STK32B: variants seen among roughly 807,000 people sequenced by gnomAD.
The protein encoded by STK32B is serine/threonine kinase 32B.
Under a neutral mutation model 52.6 loss-of-function variants are expected in STK32B, and 43 were observed. That is an observed-to-expected ratio of 0.82 (90% CI 0.64 to 1.05). STK32B has a LOEUF of 1.05. Among genes scored for constraint, STK32B ranks in the 50% least tolerant of loss-of-function variants. The pLI is 0.00. For missense variants in STK32B, 621 were observed against 534.6 expected (o/e 1.16, Z -1.59); for synonymous variants, 238 against 204.3 (o/e 1.17, Z -1.41).
At chr4:5,463,188 A>G (rs73212742) in intron 9 of STK32B, among the ~76,000 whole-genome samples, 55,180 of 152,158 alleles carry the variant, frequency 0.36, 10,889 homozygotes, top group Non-Finnish European at 0.44. Flanking sequence ...CCTTCTTCAC[A>G]GGCTCTGATC....
chr4:5,067,551 A>C (rs1054004094), intron 1 of STK32B, among the ~76,000 whole-genome samples: 2 of 152,204 alleles, frequency 1.3e-5, no homozygotes, highest in African/African-American at 4.8e-5. Flanking sequence ...CTAAAGGAGA[A>C]AGCCTAGGGA....
intron 1 of STK32B, among the ~76,000 whole-genome samples, chr4:5,069,551 G>C (rs554603343): frequency 1.3e-5 from 2 of 152,296 alleles, no homozygotes; most frequent in African/African-American, 4.8e-5. Context: ...GCATTGCCTG[G>C]AGTCGAAAGC....
At chr4:5,019,651 T>A in the STK32B span, among the ~76,000 whole-genome samples, 1 of 152,256 alleles carries the variant, frequency 6.6e-6, no homozygotes, top group South Asian at 2.1e-4. Flanking sequence ...GAGGAGGGGC[T>A]GCCTGGAGGA....
At chr4:5,464,129 T>C (rs897120472) in intron 9 of STK32B, among the ~76,000 whole-genome samples, 57 of 152,094 alleles carry the variant, frequency 3.7e-4, no homozygotes, top group African/African-American at 1.4e-3. Flanking sequence ...TGCCACACGC[T>C]CTTAAACTAC....
intron 5 of STK32B, among the ~76,000 whole-genome samples, chr4:5,414,446 G>A (rs1293274622): frequency 2.0e-5 from 3 of 152,112 alleles, no homozygotes; most frequent in Non-Finnish European, 4.4e-5. Flanking sequence ...AATGTTTCGG[G>A]TCAAATCTTA....
At chr4:5,104,853 T>C (rs1233859549) in intron 1 of STK32B, among the ~76,000 whole-genome samples, 1 of 152,258 alleles carries the variant, frequency 6.6e-6, no homozygotes, top group African/African-American at 2.4e-5. Context: ...CTTTAGTTTG[T>C]TTATTTCCAT....
chr4:5,370,984 A>ATGTGTG (rs149501017), intron 4 of STK32B, among the ~76,000 whole-genome samples: 2,391 of 145,188 alleles, frequency 0.016, 76 homozygotes, highest in East Asian at 0.11. Context: ...ATATATATAT[A>ATGTGTG]TGTGTGTGTG....
At chr4:5,192,089 A>T (rs1335316849) in intron 3 of STK32B, among the ~76,000 whole-genome samples, 2 of 152,238 alleles carry the variant, frequency 1.3e-5, no homozygotes, top group African/African-American at 2.4e-5. Flanking sequence ...TGCTTCACTG[A>T]TAAACGGCCG....
At chr4:5,441,319 C>A (rs1404439889) in intron 6 of STK32B, among the ~76,000 whole-genome samples, 1 of 151,580 alleles carries the variant, frequency 6.6e-6, no homozygotes, top group African/African-American at 2.4e-5. Flanking sequence ...CAACTTCTTC[C>A]TGGTTTAGTC....
rs558465928 is a variant in STK32B at position 5,499,030 on chromosome 4, G to A, written c.1192G>A (p.Gly398Arg). ...CCAGGCCCAAAGCAAGCTCCAGGAC[G>A]GGTGCAACAACAACCTCCTCACCCA... ...GGQAQSKLQD[G>R]CNNNLLTHTC... Residue 398 changes from glycine (G) to arginine (R), a missense_variant, in exon 12 of 12, where the codon GGG becomes AGG. Transcript: ENST00000282908. The A allele has an allele frequency of 1.4e-5, 22 of 1,613,608 alleles. No homozygotes were observed. Among genetic ancestry groups the A allele is most frequent in the South Asian group, 5.5e-5 (5 of 91,020 alleles).
Position 5,168,309 on chromosome 4 carries a change from TGCAGAA to T in STK32B, c.122_127del (p.Gln41_Lys42del), listed in dbSNP as rs751009475. The T allele has an allele frequency of 6.2e-7, 1 of 1,613,876 alleles. No homozygotes were observed. Among genetic ancestry groups the T allele is most frequent in the African/African-American group, 1.3e-5 (1 of 75,002 alleles). ...TTGGCTGTCGCTCAGGTATGCATCG[TGCAGAA>T]GCGAGACACTAAGAAAATGTATGCA... On this transcript the variant is annotated inframe_deletion, in exon 3 of 12. Coordinates refer to ENST00000282908, the MANE Select transcript of STK32B (RefSeq NM_018401.3).
chr4:5,251,615 A>G (rs904663600), intron 3 of STK32B, among the ~76,000 whole-genome samples: 3 of 152,112 alleles, frequency 2.0e-5, no homozygotes, highest in African/African-American at 7.2e-5. Context: ...TCCATGAAGA[A>G]TGTCATTGGT....
chr4:5,090,370 CTTTTTTTT>C (rs754643704), intron 1 of STK32B, among the ~76,000 whole-genome samples: 8 of 56,538 alleles, frequency 1.4e-4, no homozygotes, highest in South Asian at 1.9e-3. Flanking sequence ...TTTAATCCAT[CTTTTTTTT>C]TTTTTTTTTT....
In STK32B at chr4:5,172,585, G is replaced by C. The variant is rs189848964; in HGVS notation, c.260+4135G>C. On this transcript the variant is annotated intron_variant, in intron 3 of 11. Coordinates refer to ENST00000282908, the MANE Select transcript of STK32B (RefSeq NM_018401.3). ...AGATAACCATGTGGTTTTTGTCTTT[G>C]GTTCTGTTTATATGCTGGATTACGT... Among the ~76,000 whole-genome samples the C allele has an allele frequency of 2.2e-3, 329 of 152,170 alleles. 6 individuals are homozygous for C. The East Asian group carries it at 0.053, about 24-fold the overall frequency.
intron 3 of STK32B, among the ~76,000 whole-genome samples, chr4:5,248,117 T>A (rs913628157): frequency 6.6e-6 from 1 of 152,204 alleles, no homozygotes; most frequent in Admixed American, 6.5e-5. Context: ...GATATGCAAT[T>A]TGCCATATTG....
intron 1 of STK32B, among the ~76,000 whole-genome samples, chr4:5,067,562 A>G (rs1446054882): frequency 6.6e-6 from 1 of 152,234 alleles, no homozygotes; most frequent in Non-Finnish European, 1.5e-5. Flanking sequence ...AGCCTAGGGA[A>G]AGGGAAAATA....
rs977194449 is a variant in STK32B at position 5,351,347 on chromosome 4, C to T, written c.434+19954C>T. ...ATACAAATGCATGGAAATTAAACAACATGCCCCTGAATAACCACTAGTTCA... is the reference window on the plus strand; with the variant it reads ...ATACAAATGCATGGAAATTAAACAATATGCCCCTGAATAACCACTAGTTCA... On this transcript the variant is annotated intron_variant, in intron 4 of 11. Coordinates refer to ENST00000282908, the MANE Select transcript of STK32B (RefSeq NM_018401.3). Among the ~76,000 whole-genome samples the T allele has an allele frequency of 2.0e-5, 3 of 152,152 alleles. No homozygotes were observed. The South Asian group carries it at 6.2e-4, about 32-fold the overall frequency.
intron 4 of STK32B, among the ~76,000 whole-genome samples, chr4:5,379,813 G>T (rs1735821202): frequency 1.3e-5 from 2 of 152,166 alleles, no homozygotes; most frequent in South Asian, 4.1e-4. Flanking sequence ...CTCTAGAATG[G>T]TGAGAAAGAA....
chr4:5,226,832 A>T (rs1246688587), intron 3 of STK32B, among the ~76,000 whole-genome samples: 1 of 152,212 alleles, frequency 6.6e-6, no homozygotes, highest in Non-Finnish European at 1.5e-5. Context: ...GGGTTTGGTA[A>T]TATCTGCAGT....
Sources: gnomAD v4.1 joint callset for allele counts (sites outside exome capture counted in the v4.1 genomes callset) on GRCh38, gnomAD v4.1.1 for gene constraint, MANE v1.5 for transcripts, NCBI Gene and HGNC (gene_info 2026-07-23, HGNC 2026-07-21) for gene names.